Variants in FGFR4 observed in about 807,000 individuals in gnomAD.
FGFR4 encodes the protein fibroblast growth factor receptor 4, also known as hydroxyaryl-protein kinase.
FGFR4 carries 63 observed loss-of-function variants against 89.9 expected under a neutral mutation model. The ratio of observed to expected loss-of-function variants is 0.70; its 90% CI spans 0.57 to 0.86. The LOEUF (loss-of-function observed/expected upper bound fraction) is 0.86. Among genes scored for constraint, FGFR4 ranks in the 40% least tolerant of loss-of-function variants. The probability of loss-of-function intolerance (pLI) is 0.00; values close to 1 mark genes in which losing one functional copy is unlikely to be tolerated. For synonymous variants in FGFR4, 486 were observed against 479.4 expected (o/e 1.01, Z -0.18); for missense variants, 928 against 1,106.7 (o/e 0.84, Z 2.29).
rs1163255097 is a variant in FGFR4, at chr5:177,086,933, G to C, written c.-198G>C. On this transcript the variant is annotated 5_prime_UTR_variant, in exon 1 of 18. Coordinates refer to ENST00000292408, the MANE Select transcript of FGFR4 (RefSeq NM_213647.3). Reference sequence around the variant, plus strand: ...GCGGGTACATTCCTCGCTCCCGGCCGAGGAGCGCTCGGGCTGTCTGCGGAC... The same window carrying C: ...GCGGGTACATTCCTCGCTCCCGGCCCAGGAGCGCTCGGGCTGTCTGCGGAC... 6.6e-6 allele frequency: 1 copy of C among 152,118 alleles called. No homozygotes were observed. The highest frequency in any genetic ancestry group is 1.5e-5 in the Non-Finnish European group (1 of 68,058). The allele number at this position is 152,118 out of a possible 1,614,324, so 9.4% of individuals were successfully genotyped here.
chr5:177,095,488 C>T lies in FGFR4; in HGVS notation c.1631-45C>T, dbSNP rs973496621. 1 of 1,613,312 alleles carries T rather than the reference C, an allele frequency of 6.2e-7. No individual in the cohort carries two copies. The highest frequency in any genetic ancestry group is 1.3e-5 in the African/African-American group (1 of 74,916). On this transcript the variant is annotated intron_variant, in intron 12 of 17. Transcript: ENST00000292408. The surrounding 1 kb of genome is among the most constrained non-coding windows in gnomAD (Gnocchi z 5.7). Reference sequence around the variant, plus strand: ...TGCACGGGCCGTTAGGGTGCAGAGCCAAAGCTTTGGCAGCCTCTCCACGCT... The same window carrying T: ...TGCACGGGCCGTTAGGGTGCAGAGCTAAAGCTTTGGCAGCCTCTCCACGCT...
chr5:177,091,948 CAG>C lies in FGFR4; in HGVS notation c.727+141_727+142del, dbSNP rs1582010809. 3.5e-6 allele frequency: 4 copies of C among 1,147,562 alleles called. No individual in the cohort carries two copies. In the African/African-American group the frequency reaches 4.6e-5, roughly 13 times the overall value. The allele number at this position is 1,147,562 out of a possible 1,614,324, so 71.1% of individuals were successfully genotyped here. A position where few individuals can be genotyped will look rare whatever the true frequency, so the allele number is the denominator to read the frequency against. On this transcript the variant is annotated intron_variant, in intron 6 of 17. Coordinates refer to ENST00000292408, the MANE Select transcript of FGFR4 (RefSeq NM_213647.3). ...TGAGCAGGTGGGTCAGGGGAAAGCA[CAG>C]GGGTTAGTGTGGGGCTGGAGGAGCA...
Position 177,093,477 on chromosome 5 carries a change from C to G in FGFR4, c.1323C>G (p.Ser441Arg), listed in dbSNP as rs777754416. The change falls in exon 10 of 18, where the codon AGC (serine) becomes AGG (arginine). Residue 441 changes from serine (S) to arginine (R), a missense_variant. Transcript: ENST00000292408. The surrounding 1 kb of genome is among the most constrained non-coding windows in gnomAD (Gnocchi z 5.8). ...TACGAGGCGTGCGTCTCTCCTCCAG[C>G]GGCCCCGCCTTGCTCGCCGGCCTCG... ...SLVRGVRLSS[S>R]GPALLAGLVS... is the part of the protein sequence containing the mutation. The G allele has an allele frequency of 6.2e-7, 1 of 1,613,944 alleles. No individual in the cohort carries two copies. Among genetic ancestry groups the G allele is most frequent in the South Asian group, 1.1e-5 (1 of 91,086 alleles).
chr5:177,091,702 G>A lies in FGFR4; in HGVS notation c.621G>A (p.Trp207Ter), dbSNP rs1294037897. 6.2e-7 allele frequency: 1 copy of A among 1,614,210 alleles called. No individual in the cohort carries two copies. Among genetic ancestry groups the A allele is most frequent in the East Asian group, 2.2e-5 (1 of 44,886 alleles). ...GCCTGCAGCTGCGCCATCAGCACTG[G>A]AGTCTCGTGATGGAGAGCGTGGTGC... The part of the protein sequence containing the change: ...IGGIRLRHQH[W>*]SLVMESVVPS... The change falls in exon 6 of 18, where the codon TGG (tryptophan) becomes TGA (stop). Residue 207 changes from tryptophan to a stop codon, truncating the protein, a stop_gained. Transcript: ENST00000292408. LOFTEE classifies it high-confidence loss of function.
chr5:177,091,181 C>T, intron 5 of FGFR4, 77 bp downstream of exon 5: 1 of 1,453,650 alleles, frequency 6.9e-7, no homozygotes, highest in Non-Finnish European at 9.2e-7. Flanking sequence ...TACAAGCATA[C>T]CTATAAATCA....
At chr5:177,092,182 T>C in intron 6 of FGFR4, 139 bp from the exon 7 acceptor site, 1 of 907,994 alleles carries the variant, frequency 1.1e-6, no homozygotes. Flanking sequence ...CCAGGGAAGG[T>C]TTAAGCAGGG....
intron 6 of FGFR4, 138 bp downstream of exon 6, chr5:177,091,946 C>T: frequency 1.7e-6 from 2 of 1,158,610 alleles, no homozygotes; most frequent in East Asian, 2.4e-5. Flanking sequence ...CAGGGGAAAG[C>T]ACAGGGGTTA....
At chr5:177,091,148 T>A (rs770660884) in intron 5 of FGFR4, 44 bp downstream of exon 5, 3 of 1,498,444 alleles carry the variant, frequency 2.0e-6, no homozygotes, top group Non-Finnish European at 2.7e-6. Context: ...CCATTTTCAT[T>A]CCTTCATCAG....
rs769480451 is a variant in FGFR4, at chr5:177,092,955, C to T, written c.1057+171C>T. 1.2e-5 allele frequency: 15 copies of T among 1,287,648 alleles called. No homozygotes were observed. In the Middle Eastern group the frequency reaches 5.4e-4, roughly 46 times the overall value. 79.8% of individuals were successfully genotyped at this position (1,287,648 alleles called of 1,614,324 possible). On this transcript the variant is annotated intron_variant, in intron 8 of 17. Transcript: ENST00000292408. ...GACAGCCCCTCTGTGCCTCTCCACA[C>T]GTGGCCGTCCATGTGACCGTCTGCT...
In FGFR4 at chr5:177,093,779, A is replaced by AGT. The variant is rs1784455258; in HGVS notation, c.1519+8_1519+9dup. 1.2e-6 allele frequency: 2 copies of AGT among 1,610,104 alleles called. No individual in the cohort carries two copies. The highest frequency in any genetic ancestry group is 1.7e-6 in the Non-Finnish European group (2 of 1,177,990). The stretch of plus-strand genomic sequence containing the variant: ...GTGGCCGTCAAGATGCTCAAAGGTG[A>AGT]GTGTGGCCCGGTGTGGTGGCTCACA... On this transcript the variant is annotated splice_donor_region_variant and intron_variant, in intron 11 of 17. Transcript: ENST00000292408. This position sits in a 1 kb window ranked among gnomAD's most constrained non-coding sequence, Gnocchi z 5.8.
Position 177,093,909 on chromosome 5 carries a change from A to AG in FGFR4, c.1519+134_1519+135insG, listed in dbSNP as rs1432053381. On this transcript the variant is annotated intron_variant, in intron 11 of 17. Transcript: ENST00000292408. The surrounding 1 kb of genome is among the most constrained non-coding windows in gnomAD (Gnocchi z 5.8). ...TGGCAAGACTTCATCTCTACAAAAAAAAAATAAGAAAATTAGTTGGGTGTG... is the reference window on the plus strand; with the variant it reads ...TGGCAAGACTTCATCTCTACAAAAAAGAAAATAAGAAAATTAGTTGGGTGTG... 1.0e-5 allele frequency: 11 copies of AG among 1,085,950 alleles called. No homozygotes were observed. Among genetic ancestry groups the AG allele is most frequent in the Middle Eastern group, 3.1e-4 (1 of 3,222 alleles). 67.3% of individuals were successfully genotyped at this position (1,085,950 alleles called of 1,614,324 possible).
chr5:177,091,643 T>G, intron 5 of FGFR4, 42 bp from the exon 6 acceptor site: 1 of 1,609,142 alleles, frequency 6.2e-7, no homozygotes, highest in Non-Finnish European at 8.5e-7. Flanking sequence ...GCCCCCTTGG[T>G]GGACATGGTC....
chr5:177,094,855 G>A, intron 11 of FGFR4: 1 of 176,698 alleles, frequency 5.7e-6, no homozygotes, highest in Non-Finnish European at 1.2e-5. Flanking sequence ...CTCCCCGGCT[G>A]CACCCGGCCT....
rs375039602 is a variant in FGFR4, at chr5:177,087,250, C to G, written c.-54+173C>G. ...CCGCAGTGCACACAGGGCCTTTTGTCCCGCTCCGTCCAAAGAGCACCCCGG... is the reference window on the plus strand; with the variant it reads ...CCGCAGTGCACACAGGGCCTTTTGTGCCGCTCCGTCCAAAGAGCACCCCGG... On this transcript the variant is annotated intron_variant, in intron 1 of 17. Transcript: ENST00000292408. The surrounding 1 kb of genome is among the most constrained non-coding windows in gnomAD (Gnocchi z 6.1). Among the ~76,000 whole-genome samples, 2 of 152,128 alleles carry G rather than the reference C, an allele frequency of 1.3e-5. No homozygotes were observed. Among genetic ancestry groups the G allele is most frequent in the Non-Finnish European group, 2.9e-5 (2 of 68,008 alleles).
intron 2 of FGFR4, chr5:177,090,047 G>A (rs1784294941): frequency 1.5e-6 from 1 of 664,244 alleles, no homozygotes; most frequent in African/African-American, 1.8e-5. Flanking sequence ...TTATGAGGGT[G>A]ATATGCCCCG....
At position 177,094,337 on chromosome 5, in the gene FGFR4, C is replaced by T. The variant is rs955223643; in HGVS notation, c.1519+562C>T. On this transcript the variant is annotated intron_variant, in intron 11 of 17. Transcript: ENST00000292408. Reference sequence around the variant, plus strand: ...CAAGGATTGTGGAAAGTGCCTGGCTCATAGTCAGGGCTCAATAAATCTTCA... The same window carrying T: ...CAAGGATTGTGGAAAGTGCCTGGCTTATAGTCAGGGCTCAATAAATCTTCA... Among the ~76,000 whole-genome samples the T allele has an allele frequency of 2.0e-5, 3 of 152,126 alleles. No individual in the cohort carries two copies. The South Asian group carries it at 6.2e-4, about 31-fold the overall frequency.
At chr5:177,090,197 T>G (rs1408241492) in intron 2 of FGFR4, 193 bp from the exon 3 acceptor site, 1 of 746,828 alleles carries the variant, frequency 1.3e-6, no homozygotes, top group Non-Finnish European at 2.3e-6. Flanking sequence ...GTGTGTGACA[T>G]GCCCCAAGAG....
In FGFR4 at chr5:177,097,807, G is replaced by T. The variant is rs1461754254; in HGVS notation, c.*131G>T. On this transcript the variant is annotated 3_prime_UTR_variant, in exon 18 of 18. Coordinates refer to ENST00000292408, the MANE Select transcript of FGFR4 (RefSeq NM_213647.3). ...CAGAGTTGCTGTGCCGTGTCCAAGG[G>T]CCGTGCCCTTGCCCTTGGAGCTGCC... The T allele has an allele frequency of 8.4e-7, 1 of 1,194,924 alleles. No individual in the cohort carries two copies. Among genetic ancestry groups the T allele is most frequent in the African/African-American group, 1.5e-5 (1 of 65,252 alleles). 74.0% of individuals were successfully genotyped at this position (1,194,924 alleles called of 1,614,324 possible).
Position 177,095,811 on chromosome 5 carries a change from C to G in FGFR4, c.1821+88C>G. On this transcript the variant is annotated intron_variant, in intron 13 of 17. Transcript: ENST00000292408. This position sits in a 1 kb window ranked among gnomAD's most constrained non-coding sequence, Gnocchi z 5.7. ...ATTCAATGTCCCGACTTCTCCCTCT[C>G]TGCTCTTTTTCATGACCCCACCTCA... 7.2e-7 allele frequency: 1 copy of G among 1,382,134 alleles called. No individual in the cohort carries two copies. Among genetic ancestry groups the G allele is most frequent in the African/African-American group, 1.5e-5 (1 of 68,814 alleles). The allele number at this position is 1,382,134 out of a possible 1,614,324, so 85.6% of individuals were successfully genotyped here. A position where few individuals can be genotyped will look rare whatever the true frequency, so the allele number is the denominator to read the frequency against.
Sources: gnomAD v4.1 joint callset for allele counts (sites outside exome capture counted in the v4.1 genomes callset) on GRCh38, gnomAD v4.1.1 for gene constraint, Gnocchi (gnomAD v3.1) non-coding constraint, MANE v1.5 for transcripts, NCBI Gene and HGNC (gene_info 2026-07-23, HGNC 2026-07-21) for gene names.